Variants in CLRN2 observed in about 807,000 individuals in gnomAD.
CLRN2 encodes clarin 2, also known as clarin-2.
CLRN2 carries 17 observed loss-of-function variants against 20.1 expected under a neutral mutation model. The observed-to-expected ratio is 0.85, with a 90% CI of 0.58 to 1.27. The LOEUF (loss-of-function observed/expected upper bound fraction) is 1.27. Ranked by LOEUF, CLRN2 falls within the 50% of genes most tolerant of loss-of-function variation. The pLI is 0.00. For synonymous variants in CLRN2, 140 were observed against 126.9 expected, an observed-to-expected ratio of 1.10 and a Z score of -0.70; for missense variants, 288 against 299.5, an observed-to-expected ratio of 0.96 and a Z score of 0.28.
In CLRN2 at chr4:17,526,901, A is replaced by G; in HGVS notation, c.518A>G (p.Glu173Gly). Reference protein sequence around the residue: ...DLTERIANFQEKLFQFVVVEE... With the variant: ...DLTERIANFQGKLFQFVVVEE... ...ACGGAACGAATCGCCAACTTTCAGGAGAAGCTCTTCCAGTTTGTGGTGGTG... is the reference window on the plus strand; with the variant it reads ...ACGGAACGAATCGCCAACTTTCAGGGGAAGCTCTTCCAGTTTGTGGTGGTG... The change falls in exon 3 of 3, where the codon GAG becomes GGG. Residue 173 changes from glutamate to glycine, a missense_variant. Transcript: ENST00000511148. 6.2e-7 allele frequency: 1 copy of G among 1,614,038 alleles called. No homozygotes were observed. The highest frequency in any genetic ancestry group is 1.1e-5 in the South Asian group (1 of 91,078).
chr4:17,516,602 A>G (rs1332965630), intron 1 of CLRN2, among the ~76,000 whole-genome samples: 1 of 152,230 alleles, frequency 6.6e-6, no homozygotes, highest in African/African-American at 2.4e-5. Context: ...AAAAATTTAC[A>G]TTTGTTATGT....
At chr4:17,523,143 T>C in intron 2 of CLRN2, 100 bp downstream of exon 2, 1 of 981,838 alleles carries the variant, frequency 1.0e-6, no homozygotes, top group Non-Finnish European at 1.5e-6. Context: ...AATGCCCCAC[T>C]GGAGCCTTGA....
Position 17,524,483 on chromosome 4 carries a change from CAATT to C in CLRN2, c.433+1442_433+1445del, listed in dbSNP as rs535382736. On this transcript the variant is annotated intron_variant, in intron 2 of 2. Coordinates refer to ENST00000511148, the MANE Select transcript of CLRN2 (RefSeq NM_001079827.2). Reference sequence around the variant, plus strand: ...TGTATTATAATGTATATCAATCAATCAATTATTATGTATTTGCCTTTGTTTGCAG... The same window carrying C: ...TGTATTATAATGTATATCAATCAATCATTATGTATTTGCCTTTGTTTGCAG... 2.0e-3 allele frequency among the ~76,000 whole-genome samples: 303 copies of C among 152,024 alleles called. 2 individuals are homozygous for C. Among genetic ancestry groups the C allele is most frequent in the Admixed American group, 3.6e-3 (55 of 15,254 alleles).
At chr4:17,522,687 GC>G (rs1316592610) in intron 1 of CLRN2, among the ~76,000 whole-genome samples, 176 bp from the exon 2 acceptor site, 3 of 152,182 alleles carry the variant, frequency 2.0e-5, no homozygotes, top group Non-Finnish European at 1.5e-5. Flanking sequence ...CAACTGACAA[GC>G]ATGAATCTGG....
chr4:17,526,032 A>C (rs926816374), intron 2 of CLRN2, among the ~76,000 whole-genome samples: 4 of 152,236 alleles, frequency 2.6e-5, no homozygotes, highest in Non-Finnish European at 5.9e-5. Flanking sequence ...CAAGCAAAAC[A>C]TAGGGAAGTA....
At position 17,515,270 on chromosome 4, in the gene CLRN2, C is replaced by A. The variant is rs574760553; in HGVS notation, c.4C>A (p.Pro2Thr). The A allele has an allele frequency of 3.1e-6, 5 of 1,613,660 alleles. No homozygotes were observed. In the South Asian group the frequency reaches 5.5e-5, roughly 18 times the overall value. ...GGGATGACCTGCACCCACTAGCATG[C>A]CTGGATGGTTCAAAAAGGCGTGGTA... M[P>T]GWFKKAWYGL... The change falls in exon 1 of 3, where the codon CCT (proline) becomes ACT (threonine). Residue 2 changes from proline to threonine, a missense_variant. Transcript: ENST00000511148.
In CLRN2 at chr4:17,515,522, G is replaced by A. The variant is rs764734940; in HGVS notation, c.253+3G>A. On this transcript the variant is annotated splice_donor_region_variant and intron_variant, in intron 1 of 2. Transcript: ENST00000511148. ...GGGCCGCCAATCCCAATTCACGAGTGAGTATATTGGGAGCATGAAAGCTGA... is the reference window on the plus strand; with the variant it reads ...GGGCCGCCAATCCCAATTCACGAGTAAGTATATTGGGAGCATGAAAGCTGA... The A allele has an allele frequency of 1.9e-6, 3 of 1,613,754 alleles. No individual in the cohort carries two copies. The highest frequency in any genetic ancestry group is 2.5e-6 in the Non-Finnish European group (3 of 1,179,790).
chr4:17,526,811 T>C lies in CLRN2; in HGVS notation c.434-6T>C. 4 of 1,613,554 alleles carry C rather than the reference T, an allele frequency of 2.5e-6. No individual in the cohort carries two copies. Among genetic ancestry groups the C allele is most frequent in the Non-Finnish European group, 3.4e-6 (4 of 1,179,504 alleles). On this transcript the variant is annotated splice_polypyrimidine_tract_variant and splice_region_variant and intron_variant, in intron 2 of 2. Coordinates refer to ENST00000511148, the MANE Select transcript of CLRN2 (RefSeq NM_001079827.2). ...CGTGAATGAGGGTGACCTTTTTGAG[T>C]TTCAGGCGGCGTCGTGGCGTTAGCC...
intron 1 of CLRN2, among the ~76,000 whole-genome samples, chr4:17,520,711 G>T (rs1711818315): frequency 6.6e-6 from 1 of 152,172 alleles, no homozygotes; most frequent in Admixed American, 6.5e-5. Flanking sequence ...GCCTGGTTAA[G>T]AAAGGGGATA....
In CLRN2 at chr4:17,522,913, T is replaced by A. The variant is rs1711867547; in HGVS notation, c.303T>A (p.Ile101=). 6.2e-7 allele frequency: 1 copy of A among 1,613,916 alleles called. No individual in the cohort carries two copies. The highest frequency in any genetic ancestry group is 1.1e-5 in the South Asian group (1 of 91,088). The change falls in exon 2 of 3, where the codon ATT becomes ATA. Residue 101 remains isoleucine (I), a synonymous_variant. Coordinates refer to ENST00000511148, the MANE Select transcript of CLRN2 (RefSeq NM_001079827.2). ...TCAACGCAGGCCTTCATGTGATGAT[T>A]CTGCTGCTCCTCTTCCTGGCCTTGG... ...KELNAGLHVM[I]LLLLFLALAL...
chr4:17,518,919 G>A (rs748661721), intron 1 of CLRN2, among the ~76,000 whole-genome samples: 5 of 152,048 alleles, frequency 3.3e-5, no homozygotes, highest in Admixed American at 6.6e-5. Flanking sequence ...ATTTTATTAC[G>A]CCCATTTTAC....
rs1442235714 is a variant in CLRN2, at chr4:17,523,983, C to A, written c.433+940C>A. 2.0e-5 allele frequency among the ~76,000 whole-genome samples: 3 copies of A among 151,418 alleles called. No homozygotes were observed. The Admixed American group carries it at 2.0e-4, about 10-fold the overall frequency. ...GGACCTGGAGATTTTGCATGCATTGCTTCATTTAAATCTCACCACATCCCT... is the reference window on the plus strand; with the variant it reads ...GGACCTGGAGATTTTGCATGCATTGATTCATTTAAATCTCACCACATCCCT... On this transcript the variant is annotated intron_variant, in intron 2 of 2. Coordinates refer to ENST00000511148, the MANE Select transcript of CLRN2 (RefSeq NM_001079827.2).
At chr4:17,517,336 C>T (rs375504121) in intron 1 of CLRN2, among the ~76,000 whole-genome samples, 12 of 152,032 alleles carry the variant, frequency 7.9e-5, no homozygotes, top group Non-Finnish European at 1.6e-4. Context: ...TGGAGAGACA[C>T]GAGGGAGAGG....
chr4:17,521,263 C>T (rs570499227), intron 1 of CLRN2, among the ~76,000 whole-genome samples: 2 of 152,282 alleles, frequency 1.3e-5, no homozygotes, highest in East Asian at 3.9e-4. Context: ...TGGAAAGAAA[C>T]ATCAGAACGC....
At chr4:17,525,605 A>AT (rs1219955949) in intron 2 of CLRN2, among the ~76,000 whole-genome samples, 3 of 152,160 alleles carry the variant, frequency 2.0e-5, no homozygotes, top group African/African-American at 4.8e-5. Flanking sequence ...AGCCGTGATC[A>AT]TGCCACTGCA....
chr4:17,519,203 A>G (rs1577200579), intron 1 of CLRN2, among the ~76,000 whole-genome samples: 1 of 150,808 alleles, frequency 6.6e-6, no homozygotes, highest in Admixed American at 6.6e-5. Flanking sequence ...GATGCATCAT[A>G]TGCTGATAGA....
At chr4:17,521,800 G>A (rs2109002598) in intron 1 of CLRN2, among the ~76,000 whole-genome samples, 2 of 152,286 alleles carry the variant, frequency 1.3e-5, no homozygotes, top group Admixed American at 1.3e-4. Flanking sequence ...TGATTAGCTG[G>A]TACAGCTGAG....
intron 1 of CLRN2, among the ~76,000 whole-genome samples, chr4:17,517,530 CT>C (rs1711709136): frequency 2.0e-5 from 3 of 152,182 alleles, no homozygotes; most frequent in Admixed American, 2.0e-4. Context: ...ATGTAAACTG[CT>C]TCGAGTAGGA....
At chr4:17,515,614 C>G in intron 1 of CLRN2, 95 bp downstream of exon 1, 1 of 1,413,794 alleles carries the variant, frequency 7.1e-7, no homozygotes, top group Non-Finnish European at 9.6e-7. Flanking sequence ...TGGCTGCTGC[C>G]TCAACGTCAG....
Sources: allele counts gnomAD v4.1 joint callset (sites outside exome capture counted in the v4.1 genomes callset), GRCh38; gene constraint gnomAD v4.1.1; transcripts MANE v1.5; gene names NCBI Gene and HGNC (gene_info 2026-07-23, HGNC 2026-07-21).